The following NRXN1 variants were observed in gnomAD, a reference collection of about 807,000 sequenced individuals.
NRXN1 encodes the protein neurexin 1.
NRXN1 carries 39 observed loss-of-function variants against 150.9 expected under a neutral mutation model. The observed-to-expected ratio is 0.26, with a 90% confidence interval of 0.20 to 0.34. The LOEUF is 0.34. NRXN1 is among the 10% of genes least tolerant of loss of function. The pLI, the probability that NRXN1 is intolerant of heterozygous loss-of-function variation, is 1.00. For missense variants in NRXN1, 1,815 were observed against 1,949.9 expected (o/e 0.93, Z 1.30); for synonymous variants, 924 against 757.0 (o/e 1.22, Z -3.62).
intron 19 of NRXN1, among the ~76,000 whole-genome samples, chr2:50,063,542 C>CG: frequency 2.2e-5 from 2 of 91,866 alleles, no homozygotes; most frequent in African/African-American, 1.0e-4. Flanking sequence ...CTGCCCACCT[C>CG]AACAGACACA....
chr2:50,595,438 T>A (rs1482574414), intron 8 of NRXN1, among the ~76,000 whole-genome samples: 18 of 139,094 alleles, frequency 1.3e-4, no homozygotes, highest in African/African-American at 4.0e-4. Context: ...AAAAAAAAAA[T>A]ACCCACCTCT....
intron 17 of NRXN1, among the ~76,000 whole-genome samples, chr2:50,355,838 A>C (rs1342743945): frequency 2.0e-5 from 3 of 152,206 alleles, no homozygotes; most frequent in African/African-American, 7.2e-5. Context: ...GTCTATCACC[A>C]TGTTTAGTGG....
At chr2:50,874,605 T>C (rs1433691528) in intron 5 of NRXN1, among the ~76,000 whole-genome samples, 1 of 151,838 alleles carries the variant, frequency 6.6e-6, no homozygotes, top group Non-Finnish European at 1.5e-5. Context: ...GAAATAGTAG[T>C]AATAAAAGTA....
At chr2:50,437,390 C>G (rs1193211321) in intron 17 of NRXN1, among the ~76,000 whole-genome samples, 9 of 152,156 alleles carry the variant, frequency 5.9e-5, no homozygotes, top group Admixed American at 1.3e-4. Flanking sequence ...AGGGAAGGAT[C>G]TCGTGTCATT....
At chr2:49,923,530 A>G (rs2104022419) in intron 22 of NRXN1, among the ~76,000 whole-genome samples, 1 of 152,280 alleles carries the variant, frequency 6.6e-6, no homozygotes, top group Admixed American at 6.5e-5. Flanking sequence ...ATGTATATGT[A>G]AGAACTGAAA....
At chr2:50,249,037 G>A (rs1397357513) in intron 17 of NRXN1, among the ~76,000 whole-genome samples, 1 of 146,076 alleles carries the variant, frequency 6.8e-6, no homozygotes, top group African/African-American at 2.6e-5. Flanking sequence ...CACATCTGTA[G>A]TCCTAGCTAC....
intron 5 of NRXN1, among the ~76,000 whole-genome samples, chr2:50,630,619 C>CA (rs35878516): frequency 6.6e-6 from 1 of 151,586 alleles, no homozygotes; most frequent in Non-Finnish European, 1.5e-5. Context: ...TTTTGTATGC[C>CA]AAAAAACTAG....
rs368356639 is a variant in NRXN1 at position 50,269,218 on chromosome 2, T to C, written c.3365-32248A>G. ...TCAATGAATAAAGAAGTACCAGATG[T>C]GGGTCACATGGTCCCCTGGCACTCC... On this transcript the variant is annotated intron_variant, in intron 17 of 22. Coordinates refer to ENST00000401669, the MANE Select transcript of NRXN1 (RefSeq NM_001330078.2). Among the ~76,000 whole-genome samples, 11 of 152,322 alleles carry C rather than the reference T, an allele frequency of 7.2e-5. No individual in the cohort carries two copies. The East Asian group carries it at 1.5e-3, about 21-fold the overall frequency.
chr2:50,527,814 A>C (rs2092996368), intron 12 of NRXN1, among the ~76,000 whole-genome samples: 1 of 152,166 alleles, frequency 6.6e-6, no homozygotes, highest in Non-Finnish European at 1.5e-5. Flanking sequence ...GAGAGATTAG[A>C]AATTTGTTAG....
intron 21 of NRXN1, among the ~76,000 whole-genome samples, chr2:49,989,785 G>T (rs1681607377): frequency 1.3e-5 from 2 of 152,250 alleles, no homozygotes; most frequent in South Asian, 2.1e-4. Flanking sequence ...TGATTGGTAG[G>T]AAAGTAGTAT....
intron 21 of NRXN1, among the ~76,000 whole-genome samples, chr2:50,049,298 C>T (rs1692324750): frequency 6.6e-6 from 1 of 152,088 alleles, no homozygotes; most frequent in Non-Finnish European, 1.5e-5. Flanking sequence ...GGTAAATAAT[C>T]ATGAGAAGAC....
At chr2:50,014,531 G>C (rs932278949) in intron 21 of NRXN1, among the ~76,000 whole-genome samples, 2 of 152,092 alleles carry the variant, frequency 1.3e-5, no homozygotes, top group African/African-American at 2.4e-5. Flanking sequence ...ACAACCACAA[G>C]TTGTGACAAT....
chr2:50,017,177 T>C (rs1362223687), intron 21 of NRXN1, among the ~76,000 whole-genome samples: 3 of 152,130 alleles, frequency 2.0e-5, no homozygotes, highest in Admixed American at 6.5e-5. Flanking sequence ...GGTGAGCACT[T>C]TGGGGCCCTC....
intron 21 of NRXN1, among the ~76,000 whole-genome samples, chr2:50,020,692 G>T (rs1002579803): frequency 1.6e-4 from 25 of 152,152 alleles, no homozygotes; most frequent in Non-Finnish European, 4.4e-5. Context: ...GATTAGCCAG[G>T]TAGAGCTAGC....
intron 17 of NRXN1, among the ~76,000 whole-genome samples, chr2:50,298,757 CATA>C (rs1323372659): frequency 3.9e-5 from 6 of 152,236 alleles, no homozygotes; most frequent in African/African-American, 1.2e-4. Flanking sequence ...TTATTCTACA[CATA>C]ATGTTTGTGA....
intron 8 of NRXN1, among the ~76,000 whole-genome samples, chr2:50,567,873 T>C (rs1349951009): frequency 6.6e-6 from 1 of 152,190 alleles, no homozygotes; most frequent in Non-Finnish European, 1.5e-5. Context: ...TTTACTCATA[T>C]AATCCTCATG....
intron 5 of NRXN1, among the ~76,000 whole-genome samples, chr2:50,810,014 T>C (rs1411503941): frequency 6.6e-6 from 1 of 152,186 alleles, no homozygotes; most frequent in Non-Finnish European, 1.5e-5. Flanking sequence ...CTCTTCAATA[T>C]AGTCACGTTC....
chr2:49,978,627 A>G (rs1319811419), intron 21 of NRXN1, among the ~76,000 whole-genome samples: 1 of 151,722 alleles, frequency 6.6e-6, no homozygotes, highest in Non-Finnish European at 1.5e-5. Context: ...TTGCAAAGGA[A>G]ATGTTAGAAA....
intron 5 of NRXN1, among the ~76,000 whole-genome samples, chr2:50,911,588 G>A (rs1326264538): frequency 6.6e-6 from 1 of 151,716 alleles, no homozygotes; most frequent in African/African-American, 2.4e-5. Context: ...CAGAAAAAAG[G>A]GTCATTATCA....
Sources: allele counts gnomAD v4.1 joint callset (sites outside exome capture counted in the v4.1 genomes callset), GRCh38; gene constraint gnomAD v4.1.1; transcripts MANE v1.5; gene names NCBI Gene and HGNC (gene_info 2026-07-23, HGNC 2026-07-21).